The following DMD variants were observed in gnomAD, a reference collection of about 807,000 sequenced individuals.
The protein encoded by DMD is dystrophin.
DMD carries 63 observed loss-of-function variants against 330.1 expected under a neutral mutation model. The observed-to-expected ratio is 0.19, with a 90% confidence interval of 0.16 to 0.24. DMD has a LOEUF of 0.24. DMD is among the 10% of genes least tolerant of loss of function. The probability of loss-of-function intolerance (pLI) is 1.00; values close to 1 mark genes in which losing one functional copy is unlikely to be tolerated. For missense variants in DMD, 3,344 were observed against 2,684.1 expected (o/e 1.25, Z -5.43); for synonymous variants, 1,223 against 959.8 (o/e 1.27, Z -5.07).
chrX:32,392,575 C>T (rs2098011699), intron 30 of DMD, among the ~76,000 whole-genome samples: 1 of 111,375 alleles, frequency 9.0e-6, no homozygotes, highest in African/African-American at 3.3e-5. Context: ...ATAGCATTTT[C>T]GAAAGAGGGC....
In DMD at chrX:32,268,052, T is replaced by C. The variant is rs6631534; in HGVS notation, c.6290+19477A>G. Among the ~76,000 whole-genome samples the C allele has an allele frequency of 0.037, 4,168 of 111,506 alleles. 342 individuals are homozygous for C. In the East Asian group the frequency reaches 0.47, roughly 13 times the overall value. On this transcript the variant is annotated intron_variant, in intron 43 of 78. Coordinates refer to ENST00000357033, the MANE Select transcript of DMD (RefSeq NM_004006.3). ...AGCCTCAGAATACAAAAGCTGATGG[T>C]GAATCAGGATCCAGAGGAATGCAGG...
intron 55 of DMD, among the ~76,000 whole-genome samples, chrX:31,598,095 T>C (rs1018025500): frequency 9.4e-6 from 1 of 106,369 alleles, no homozygotes; most frequent in Non-Finnish European, 1.9e-5. Context: ...CAAATATATG[T>C]GTGTGTATCT....
At chrX:33,127,139 C>T (rs368268130) in intron 1 of DMD, among the ~76,000 whole-genome samples, 4 of 109,648 alleles carry the variant, frequency 3.6e-5, no homozygotes, top group African/African-American at 9.9e-5. Flanking sequence ...TAATTTAATG[C>T]GGTGTACTTT....
chrX:33,189,629 G>A, intron 1 of DMD, among the ~76,000 whole-genome samples: 1 of 110,780 alleles, frequency 9.0e-6, no homozygotes. Context: ...AAGCATGGTA[G>A]TTTGGGGGCC....
intron 1 of DMD, among the ~76,000 whole-genome samples, chrX:33,192,860 G>A (rs745743410): frequency 2.7e-5 from 3 of 111,818 alleles, no homozygotes; most frequent in South Asian, 3.7e-4. Context: ...CTTACCTTGC[G>A]ACTTATGCTA....
intron 18 of DMD, among the ~76,000 whole-genome samples, chrX:32,502,264 T>C (rs1238875662): frequency 9.0e-6 from 1 of 111,262 alleles, no homozygotes; most frequent in Non-Finnish European, 1.9e-5. Context: ...CCAGTATGTA[T>C]ATAAGATGGA....
At chrX:32,626,020 T>G (rs748530005) in intron 11 of DMD, among the ~76,000 whole-genome samples, 7 of 112,813 alleles carry the variant, frequency 6.2e-5, no homozygotes, top group African/African-American at 2.3e-4. Context: ...ATGATTTAAG[T>G]CAGAAATAAA....
chrX:31,816,973 G>A (rs1356418425), intron 50 of DMD, among the ~76,000 whole-genome samples: 2 of 111,997 alleles, frequency 1.8e-5, no homozygotes, highest in South Asian at 3.8e-4. Flanking sequence ...GAGAGATAGT[G>A]TAAAGCACAG....
chrX:32,616,690 C>CT (rs1173392895), intron 11 of DMD, among the ~76,000 whole-genome samples: 3,447 of 60,113 alleles, frequency 0.057, 226 homozygotes, highest in Admixed American at 0.081. Context: ...GTTCTGGTTC[C>CT]TTTTTTTTTT....
intron 9 of DMD, among the ~76,000 whole-genome samples, chrX:32,651,536 G>A (rs776575275): frequency 1.4e-4 from 16 of 111,755 alleles, no homozygotes; most frequent in African/African-American, 3.6e-4. Context: ...AAAATACCTC[G>A]TCTTCATTAC....
chrX:31,120,563 A>G lies in DMD; in HGVS notation c.*1356T>C, dbSNP rs1180959828. The G allele has an allele frequency of 8.9e-6, 1 of 112,163 alleles. No homozygotes were observed. Among genetic ancestry groups the G allele is most frequent in the Non-Finnish European group, 1.9e-5 (1 of 53,239 alleles). The allele number at this position is 112,163 out of a possible 1,213,427, so 9.2% of individuals were successfully genotyped here. ...CATGGGACAATAAATCTAAAAAAGC[A>G]ACAAAAACCAAACCACCCAGTTCCT... On this transcript the variant is annotated 3_prime_UTR_variant, in exon 79 of 79. Transcript: ENST00000357033.
intron 60 of DMD, among the ~76,000 whole-genome samples, chrX:31,361,530 G>A (rs1164752058): frequency 9.0e-6 from 1 of 111,358 alleles, no homozygotes. Context: ...AGTGAGGCCA[G>A]GAGCAATCTG....
chrX:32,722,232 C>G (rs778233822), intron 7 of DMD, among the ~76,000 whole-genome samples: 8 of 110,172 alleles, frequency 7.3e-5, no homozygotes, highest in Non-Finnish European at 1.3e-4. Context: ...AGTCAACCTT[C>G]TATTTCCACG....
At chrX:33,231,153 G>C (rs939540652) in intron 1 of DMD, among the ~76,000 whole-genome samples, 1 of 111,365 alleles carries the variant, frequency 9.0e-6, no homozygotes, top group Non-Finnish European at 1.9e-5. Flanking sequence ...ACGTGCATAT[G>C]TGCGTGGAGT....
intron 9 of DMD, among the ~76,000 whole-genome samples, chrX:32,650,472 G>C (rs2060075912): frequency 9.0e-6 from 1 of 111,470 alleles, no homozygotes; most frequent in Admixed American, 9.5e-5. Context: ...GGATTACAGA[G>C]GGATAACCAA....
Position 31,169,552 on chromosome X carries a change from C to T in DMD, c.10444G>A (p.Asp3482Asn). The change falls in exon 74 of 79, where the codon GAC becomes AAC. Residue 3482 changes from aspartate (D) to asparagine (N), a missense_variant. Physicochemically the swap from Asp to Asn is conservative, Grantham distance 23 (BLOSUM62 1). Coordinates refer to ENST00000357033, the MANE Select transcript of DMD (RefSeq NM_004006.3). ...IQHYCQSLNQ[D>N]SPLSQPRSPA... The stretch of plus-strand genomic sequence containing the variant: ...CTACGAGGCTGGCTCAGGGGGGAGT[C>T]CTGGTTCAAACTTTGGCAGTAATGC... 8.3e-7 allele frequency: 1 copy of T among 1,206,482 alleles called. No homozygotes were observed.
intron 43 of DMD, among the ~76,000 whole-genome samples, chrX:32,285,794 G>C (rs1457657718): frequency 9.0e-6 from 1 of 111,048 alleles, no homozygotes; most frequent in Non-Finnish European, 1.9e-5. Flanking sequence ...CTGCCTCCTG[G>C]GTTCAAGGGA....
chrX:32,881,514 A>G (rs2083941314), intron 2 of DMD, among the ~76,000 whole-genome samples: 1 of 112,293 alleles, frequency 8.9e-6, no homozygotes, highest in African/African-American at 3.2e-5. Context: ...ATATGATACA[A>G]TGGCAGTTCT....
chrX:31,268,640 T>C (rs142719889), intron 62 of DMD, among the ~76,000 whole-genome samples: 2,013 of 112,149 alleles, frequency 0.018, 53 homozygotes, highest in Admixed American at 0.078. Context: ...ATTAGTGTCC[T>C]GTAATGAGGA....
Sources: allele counts gnomAD v4.1 joint callset (sites outside exome capture counted in the v4.1 genomes callset), GRCh38; gene constraint gnomAD v4.1.1; transcripts MANE v1.5; gene names NCBI Gene and HGNC (gene_info 2026-07-23, HGNC 2026-07-21).